Variants in ADGRL2 observed in about 807,000 individuals in gnomAD.
ADGRL2 encodes calcium-independent alpha-latrotoxin receptor 2.
In ADGRL2, 44 loss-of-function variants were observed where a neutral mutation model predicts 157.4. The ratio of observed to expected loss-of-function variants is 0.28; its 90% CI spans 0.22 to 0.36. ADGRL2 has a LOEUF of 0.36. Ranked by LOEUF, ADGRL2 falls within the 10% of genes least tolerant of loss-of-function variation. The probability of loss-of-function intolerance (pLI) is 1.00; values close to 1 mark genes in which losing one functional copy is unlikely to be tolerated. For missense variants in ADGRL2, 1,510 were observed against 1,768.9 expected, an observed-to-expected ratio of 0.85 and a Z score of 2.63; for synonymous variants, 585 against 624.7, an observed-to-expected ratio of 0.94 and a Z score of 0.95.
At chr1:81,652,630 T>C (rs554341533) in intron 3 of ADGRL2, among the ~76,000 whole-genome samples, 3 of 152,336 alleles carry the variant, frequency 2.0e-5, no homozygotes, top group Admixed American at 1.3e-4. Context: ...AATAAGGTCA[T>C]AGTAACAACT....
At chr1:81,343,858 C>A (rs893677130) in intron 1 of ADGRL2, among the ~76,000 whole-genome samples, 1 of 152,154 alleles carries the variant, frequency 6.6e-6, no homozygotes, top group African/African-American at 2.4e-5. Context: ...AAAGTCCTCA[C>A]CTCCTAATAC....
chr1:81,630,703 T>G (rs1363135249), intron 3 of ADGRL2, among the ~76,000 whole-genome samples: 8 of 152,160 alleles, frequency 5.3e-5, no homozygotes, highest in Admixed American at 2.6e-4. Context: ...TAAAGGAATT[T>G]TTAAATATAC....
chr1:81,927,460 T>C (rs2095134419), intron 3 of ADGRL2, among the ~76,000 whole-genome samples: 1 of 152,026 alleles, frequency 6.6e-6, no homozygotes, highest in Non-Finnish European at 1.5e-5. Flanking sequence ...TATTTAAAAC[T>C]TTAAAAAAGT....
At chr1:81,537,457 AT>A (rs940015801) in intron 2 of ADGRL2, among the ~76,000 whole-genome samples, 5 of 149,832 alleles carry the variant, frequency 3.3e-5, no homozygotes, top group Admixed American at 1.3e-4. Context: ...CTAATTTTGT[AT>A]TTTTTTTAGT....
At chr1:81,503,459 G>A in intron 2 of ADGRL2, 3 of 1,612,032 alleles carry the variant, frequency 1.9e-6, no homozygotes, top group Non-Finnish European at 2.5e-6. Context: ...TCCACCAGCT[G>A]GTCCCTCTGA....
chr1:81,492,970 G>A (rs2078663532), intron 2 of ADGRL2, among the ~76,000 whole-genome samples: 1 of 152,132 alleles, frequency 6.6e-6, no homozygotes, highest in South Asian at 2.1e-4. Flanking sequence ...CATCTAATGT[G>A]TAATATGTAT....
rs150053051 is a variant in ADGRL2, at chr1:81,945,393, A to C, written c.1210+1624A>C. Among the ~76,000 whole-genome samples, 352 of 152,180 alleles carry C rather than the reference A, an allele frequency of 2.3e-3. 2 individuals carry two copies. Among genetic ancestry groups the C allele is most frequent in the African/African-American group, 7.6e-3 (316 of 41,554 alleles). ...GTTAGATTTGTCTTGGGTAGCAGTA[A>C]ATTTTTTGTCATCCTCAGAAAAAAA... On this transcript the variant is annotated intron_variant, in intron 6 of 23. Coordinates refer to ENST00000686636, the MANE Select transcript of ADGRL2 (RefSeq NM_001366006.2).
chr1:81,868,615 T>C (rs1187476818), intron 2 of ADGRL2, among the ~76,000 whole-genome samples: 1 of 152,082 alleles, frequency 6.6e-6, no homozygotes, highest in Non-Finnish European at 1.5e-5. Context: ...CCTCTTCTTA[T>C]GATAACTTCT....
At chr1:81,901,171 A>T (rs1369283745) in intron 2 of ADGRL2, among the ~76,000 whole-genome samples, 3 of 152,186 alleles carry the variant, frequency 2.0e-5, no homozygotes, top group Non-Finnish European at 2.9e-5. Context: ...CATAAAATAG[A>T]AATTGCCTCA....
intron 3 of ADGRL2, among the ~76,000 whole-genome samples, chr1:81,598,739 C>T (rs942977530): frequency 5.9e-5 from 9 of 152,232 alleles, no homozygotes; most frequent in African/African-American, 1.9e-4. Context: ...TAAACAGCCT[C>T]TTCACATCAG....
chr1:81,571,423 A>ATG (rs201384435), intron 2 of ADGRL2, among the ~76,000 whole-genome samples: 20 of 147,810 alleles, frequency 1.4e-4, no homozygotes, highest in Non-Finnish European at 1.9e-4. Flanking sequence ...ATGTATATAT[A>ATG]TGTGTGTGTG....
intron 3 of ADGRL2, among the ~76,000 whole-genome samples, chr1:81,584,671 G>A (rs2080987480): frequency 6.6e-6 from 1 of 152,094 alleles, no homozygotes; most frequent in Non-Finnish European, 1.5e-5. Context: ...CTAAACAAAA[G>A]TGTTGAAATG....
chr1:81,813,007 T>A (rs1347171874), intron 1 of ADGRL2, among the ~76,000 whole-genome samples: 1 of 151,706 alleles, frequency 6.6e-6, no homozygotes, highest in Non-Finnish European at 1.5e-5. Flanking sequence ...ACTTGAGAGT[T>A]TTTCATTCGG....
intron 3 of ADGRL2, among the ~76,000 whole-genome samples, chr1:81,582,591 G>A (rs1426376551): frequency 1.3e-5 from 2 of 150,714 alleles, no homozygotes; most frequent in African/African-American, 4.9e-5. Context: ...AAGGTCAATT[G>A]CACTCAAAAA....
chr1:81,330,593 A>G (rs1389352227), intron 1 of ADGRL2, among the ~76,000 whole-genome samples: 1 of 152,180 alleles, frequency 6.6e-6, no homozygotes, highest in Non-Finnish European at 1.5e-5. Flanking sequence ...AAACTGGAAT[A>G]TCTTTATAAT....
At chr1:81,324,226 G>A (rs2100648089) in intron 1 of ADGRL2, among the ~76,000 whole-genome samples, 1 of 152,156 alleles carries the variant, frequency 6.6e-6, no homozygotes, top group African/African-American at 2.4e-5. Context: ...TTTTAGGGCT[G>A]GACACAGTAG....
intron 1 of ADGRL2, among the ~76,000 whole-genome samples, chr1:81,757,353 T>C (rs2085727132): frequency 6.6e-6 from 1 of 152,172 alleles, no homozygotes; most frequent in Non-Finnish European, 1.5e-5. Context: ...TGTACTTCTA[T>C]ATTTGAATCC....
intron 4 of ADGRL2, among the ~76,000 whole-genome samples, chr1:81,941,746 T>C (rs1444513400): frequency 6.6e-6 from 1 of 151,802 alleles, no homozygotes; most frequent in Non-Finnish European, 1.5e-5. Context: ...AAGAGTTTCA[T>C]TATTTATTCA....
chr1:81,708,488 C>A lies in ADGRL2; in HGVS notation c.-143+8680C>A, dbSNP rs183033833. Among the ~76,000 whole-genome samples, 12 of 152,254 alleles carry A rather than the reference C, an allele frequency of 7.9e-5. No individual in the cohort carries two copies. The East Asian group carries it at 2.1e-3, about 27-fold the overall frequency. On this transcript the variant is annotated intron_variant, in intron 1 of 20. Coordinates refer to the ADGRL2 transcript ENST00000359929. The stretch of plus-strand genomic sequence containing the variant: ...AGTGGGAATGCTCTTAATTTTCCTA[C>A]ACGCATCTGCAGAAGTACTTTTGAT...
Sources: allele counts gnomAD v4.1 joint callset (sites outside exome capture counted in the v4.1 genomes callset), GRCh38; gene constraint gnomAD v4.1.1; transcripts MANE v1.5; gene names NCBI Gene and HGNC (gene_info 2026-07-23, HGNC 2026-07-21).